Variants in GPR63 observed in about 807,000 individuals in gnomAD.
The protein encoded by GPR63 is G protein-coupled receptor 63.
Under a neutral mutation model 23.1 loss-of-function variants are expected in GPR63, and 12 were observed. The ratio of observed to expected loss-of-function variants is 0.52; its 90% CI spans 0.33 to 0.84. The LOEUF (loss-of-function observed/expected upper bound fraction) is 0.84. GPR63 is among the 40% of genes least tolerant of loss of function. The pLI is 0.02. For missense variants in GPR63, 472 were observed against 515.6 expected, an observed-to-expected ratio of 0.92 and a Z score of 0.82; for synonymous variants, 172 against 191.1, an observed-to-expected ratio of 0.90 and a Z score of 0.82.
rs146864588 is a variant in GPR63 at position 96,798,609 on chromosome 6, T to A, written c.1123A>T (p.Ile375Phe). Residue 375 changes from isoleucine to phenylalanine, a missense_variant, in exon 2 of 2, where the codon ATT (isoleucine) becomes TTT (phenylalanine). Ile to Phe is a conservative substitution (Grantham distance 21, BLOSUM62 0). Transcript: ENST00000229955. ...ALNPLIYYWRIKKFHDACLDM... is the reference protein window; with the variant it reads ...ALNPLIYYWRFKKFHDACLDM... ...AGGCAAGCATCATGGAATTTCTTAA[T>A]CCTCCAGTAGTAGATCAGCGGATTC... 4 of 1,614,166 alleles carry A rather than the reference T, an allele frequency of 2.5e-6. No individual in the cohort carries two copies. The highest frequency in any genetic ancestry group is 3.4e-6 in the Non-Finnish European group (4 of 1,180,026).
At chr6:96,808,004 C>T (rs1211195326) in intron 1 of GPR63, among the ~76,000 whole-genome samples, 1 of 152,268 alleles carries the variant, frequency 6.6e-6, no homozygotes, top group Admixed American at 6.5e-5. Flanking sequence ...TTAGCCACTA[C>T]GCTATGCTGT....
chr6:96,811,853 T>C (rs1283685799), intron 1 of GPR63, among the ~76,000 whole-genome samples: 1 of 96,470 alleles, frequency 1.0e-5, no homozygotes, highest in Non-Finnish European at 2.1e-5. Context: ...AATAAATAAA[T>C]AAATAAATAA....
intron 1 of GPR63, among the ~76,000 whole-genome samples, chr6:96,808,041 T>C (rs1019870726): frequency 2.0e-5 from 3 of 152,168 alleles, no homozygotes; most frequent in African/African-American, 7.2e-5. Context: ...CATACAGAAA[T>C]GCCACTAGTA....
chr6:96,796,321 T>A lies in GPR63; in HGVS notation c.*2151A>T, dbSNP rs1033609799. The A allele has an allele frequency of 2.0e-5, 3 of 152,342 alleles. No individual in the cohort carries two copies. In the East Asian group the frequency reaches 5.8e-4, roughly 29 times the overall value. The allele number at this position is 152,342 out of a possible 1,614,324, so 9.4% of individuals were successfully genotyped here. On this transcript the variant is annotated 3_prime_UTR_variant, in exon 2 of 2. Transcript: ENST00000229955. Reference sequence around the variant, plus strand: ...AGCTGGACAGGACGTTAGAGATTCATCTAATCCAACTCTCTGGTTTTACAA... The same window carrying A: ...AGCTGGACAGGACGTTAGAGATTCAACTAATCCAACTCTCTGGTTTTACAA...
intron 1 of GPR63, among the ~76,000 whole-genome samples, chr6:96,824,650 GAAAA>G (rs5878450): frequency 1.6e-3 from 229 of 142,052 alleles, no homozygotes; most frequent in South Asian, 5.1e-3. Context: ...TTAAAAAAAT[GAAAA>G]AAAAAAAAAA....
chr6:96,802,000 C>A (rs1199991017), intron 1 of GPR63, among the ~76,000 whole-genome samples: 1 of 152,148 alleles, frequency 6.6e-6, no homozygotes, highest in Non-Finnish European at 1.5e-5. Context: ...TACAAGTCTA[C>A]CTCCATAGAG....
rs544450710 is a variant in GPR63 at position 96,794,421 on chromosome 6, T to C, written c.*4051A>G. 171 of 152,304 alleles carry C rather than the reference T, an allele frequency of 1.1e-3. 1 individual carries two copies. The highest frequency in any genetic ancestry group is 4.1e-3 in the African/African-American group (169 of 41,578). The allele number at this position is 152,304 out of a possible 1,614,324, so 9.4% of individuals were successfully genotyped here. Reference sequence around the variant, plus strand: ...TGAAGGCAGTTTAGCAGGACTATAGTTGTGAAAATAAATCTGAATGTAGCC... The same window carrying C: ...TGAAGGCAGTTTAGCAGGACTATAGCTGTGAAAATAAATCTGAATGTAGCC... On this transcript the variant is annotated 3_prime_UTR_variant, in exon 2 of 2. Coordinates refer to ENST00000229955, the MANE Select transcript of GPR63 (RefSeq NM_030784.4).
chr6:96,832,553 A>T (rs1774615041), intron 1 of GPR63, among the ~76,000 whole-genome samples: 1 of 151,992 alleles, frequency 6.6e-6, no homozygotes, highest in Non-Finnish European at 1.5e-5. Flanking sequence ...GATTACAGGC[A>T]TGAATGGCCA....
At chr6:96,809,407 T>C (rs904481534) in intron 1 of GPR63, among the ~76,000 whole-genome samples, 1 of 152,204 alleles carries the variant, frequency 6.6e-6, no homozygotes, top group East Asian at 1.9e-4. Context: ...AAACTCATTA[T>C]ACAAAATTCT....
At chr6:96,830,157 G>A (rs1022974584) in intron 1 of GPR63, among the ~76,000 whole-genome samples, 4 of 152,168 alleles carry the variant, frequency 2.6e-5, no homozygotes, top group East Asian at 3.9e-4. Flanking sequence ...GGAATGAGTA[G>A]ACAGAGGAAT....
chr6:96,795,316 C>G lies in GPR63; in HGVS notation c.*3156G>C, dbSNP rs749682650. On this transcript the variant is annotated 3_prime_UTR_variant, in exon 2 of 2. Coordinates refer to ENST00000229955, the MANE Select transcript of GPR63 (RefSeq NM_030784.4). Reference sequence around the variant, plus strand: ...AAGGAAAAACAGGCAAACAAAAAACCATTTCTGATTATGCCTGTAAGCAGT... The same window carrying G: ...AAGGAAAAACAGGCAAACAAAAAACGATTTCTGATTATGCCTGTAAGCAGT... 8 of 152,122 alleles carry G rather than the reference C, an allele frequency of 5.3e-5. No homozygotes were observed. Among genetic ancestry groups the G allele is most frequent in the Non-Finnish European group, 8.8e-5 (6 of 68,026 alleles). 9.4% of individuals were successfully genotyped at this position (152,122 alleles called of 1,614,324 possible). A position where few individuals can be genotyped will look rare whatever the true frequency, so the allele number is the denominator to read the frequency against.
chr6:96,794,380 A>AAAAC lies in GPR63; in HGVS notation c.*4088_*4091dup, dbSNP rs1490342582. Reference sequence around the variant, plus strand: ...TTGTGCTTTGATATTTTTTATCATAAAAACTGAGTTTTCAATGAAGGCAGT... The same window carrying AAAAC: ...TTGTGCTTTGATATTTTTTATCATAAAAACAAACTGAGTTTTCAATGAAGGCAGT... On this transcript the variant is annotated 3_prime_UTR_variant, in exon 2 of 2. Transcript: ENST00000229955. The AAAAC allele has an allele frequency of 6.6e-6, 1 of 152,164 alleles. No homozygotes were observed. The highest frequency in any genetic ancestry group is 6.5e-5 in the Admixed American group (1 of 15,270). The allele number at this position is 152,164 out of a possible 1,614,324, so 9.4% of individuals were successfully genotyped here.
chr6:96,811,651 C>T (rs1774046596), intron 1 of GPR63, among the ~76,000 whole-genome samples: 1 of 152,072 alleles, frequency 6.6e-6, no homozygotes, highest in Non-Finnish European at 1.5e-5. Context: ...AAAAGTGTAT[C>T]ACATATAAAT....
chr6:96,811,169 C>T (rs936316820), intron 1 of GPR63, among the ~76,000 whole-genome samples: 1 of 152,174 alleles, frequency 6.6e-6, no homozygotes, highest in Non-Finnish European at 1.5e-5. Flanking sequence ...ATTGCATATG[C>T]TCTAAAGGTT....
intron 1 of GPR63, among the ~76,000 whole-genome samples, chr6:96,825,553 T>G (rs1231019825): frequency 6.6e-6 from 1 of 152,058 alleles, no homozygotes; most frequent in Non-Finnish European, 1.5e-5. Context: ...AATCTAGATA[T>G]GAGCAAAGAT....
At chr6:96,802,832 G>A (rs1323036349) in intron 1 of GPR63, among the ~76,000 whole-genome samples, 4 of 151,860 alleles carry the variant, frequency 2.6e-5, no homozygotes, top group Non-Finnish European at 4.4e-5. Flanking sequence ...CCAGAACAGA[G>A]AACAATTTAT....
intron 1 of GPR63, among the ~76,000 whole-genome samples, chr6:96,808,181 AT>A (rs1028449633): frequency 1.1e-4 from 16 of 152,130 alleles, no homozygotes; most frequent in African/African-American, 3.4e-4. Flanking sequence ...TTATATCTAT[AT>A]TTTTTTACCA....
intron 1 of GPR63, among the ~76,000 whole-genome samples, chr6:96,808,110 TA>T (rs1210652043): frequency 6.6e-6 from 1 of 152,222 alleles, no homozygotes; most frequent in African/African-American, 2.4e-5. Flanking sequence ...TTCAAAAACA[TA>T]TTGCTAAATT....
chr6:96,800,972 A>T (rs1023320669), intron 1 of GPR63, among the ~76,000 whole-genome samples: 1 of 152,102 alleles, frequency 6.6e-6, no homozygotes, highest in Non-Finnish European at 1.5e-5. Flanking sequence ...GATTTCTGTA[A>T]CTCCAGAGTT....
Sources: allele counts gnomAD v4.1 joint callset (sites outside exome capture counted in the v4.1 genomes callset), GRCh38; gene constraint gnomAD v4.1.1; transcripts MANE v1.5; gene names NCBI Gene and HGNC (gene_info 2026-07-23, HGNC 2026-07-21).